SLC39A11: variants seen among roughly 807,000 people sequenced by gnomAD.
SLC39A11 encodes the protein solute carrier family 39 member 11.
Under a neutral mutation model 36.1 loss-of-function variants are expected in SLC39A11, and 33 were observed. The observed-to-expected ratio is 0.91, with a 90% CI of 0.69 to 1.22. The LOEUF (loss-of-function observed/expected upper bound fraction) is 1.22, where lower values mean the gene tolerates loss of function less well. Ranked by LOEUF, SLC39A11 falls within the 50% of genes most tolerant of loss-of-function variation. SLC39A11 has a pLI of 0.00. For synonymous variants in SLC39A11, 166 were observed against 170.3 expected (o/e 0.97, Z 0.20); for missense variants, 432 against 430.3 (o/e 1.00, Z -0.03).
chr17:72,939,510 A>C (rs541328099), intron 5 of SLC39A11, among the ~76,000 whole-genome samples: 1 of 151,938 alleles, frequency 6.6e-6, no homozygotes, highest in Non-Finnish European at 1.5e-5. Context: ...TTGCAGATGT[A>C]ATTAGTTAAG....
intron 5 of SLC39A11, among the ~76,000 whole-genome samples, chr17:72,881,035 G>A (rs1371459578): frequency 1.4e-5 from 1 of 70,660 alleles, no homozygotes; most frequent in Non-Finnish European, 2.5e-5. Context: ...ATATGGAGGA[G>A]ATGGAACTCT....
At chr17:72,768,371 G>T (rs1598640739) in intron 6 of SLC39A11, among the ~76,000 whole-genome samples, 1 of 152,212 alleles carries the variant, frequency 6.6e-6, no homozygotes, top group African/African-American at 2.4e-5. Flanking sequence ...TAAGGAAAAG[G>T]CAAGATAGTG....
intron 4 of SLC39A11, among the ~76,000 whole-genome samples, chr17:73,027,370 C>T (rs1216955323): frequency 2.0e-5 from 3 of 152,186 alleles, no homozygotes; most frequent in Non-Finnish European, 2.9e-5. Flanking sequence ...CTTCCTTGTC[C>T]ACCCCCTTTT....
intron 5 of SLC39A11, among the ~76,000 whole-genome samples, chr17:72,869,641 G>A (rs1411062670): frequency 2.6e-5 from 4 of 152,004 alleles, no homozygotes; most frequent in East Asian, 1.9e-4. Context: ...CGGCCTCCTC[G>A]GCCTCCCAAA....
At chr17:72,746,404 G>C (rs2074937166) in intron 6 of SLC39A11, among the ~76,000 whole-genome samples, 1 of 151,706 alleles carries the variant, frequency 6.6e-6, no homozygotes, top group South Asian at 2.1e-4. Context: ...AGATCTCTTG[G>C]GCCCAGTTCA....
intron 4 of SLC39A11, among the ~76,000 whole-genome samples, chr17:73,027,963 G>A (rs1196038406): frequency 6.6e-6 from 1 of 152,200 alleles, no homozygotes; most frequent in Admixed American, 6.5e-5. Flanking sequence ...GTCCCCAGGG[G>A]ATAGAAAGGA....
intron 3 of SLC39A11, among the ~76,000 whole-genome samples, chr17:73,034,351 T>G (rs954295314): frequency 2.0e-5 from 3 of 152,342 alleles, no homozygotes; most frequent in Admixed American, 2.0e-4. Flanking sequence ...GCCTCCCAAG[T>G]AGCTGGGATT....
intron 3 of SLC39A11, among the ~76,000 whole-genome samples, chr17:73,034,412 G>C (rs551512064): frequency 6.6e-6 from 1 of 152,312 alleles, no homozygotes; most frequent in Non-Finnish European, 1.5e-5. Flanking sequence ...AGTAGAGACA[G>C]GGTTTTGCCG....
chr17:72,934,557 T>C (rs2147485841), intron 5 of SLC39A11, among the ~76,000 whole-genome samples: 1 of 152,194 alleles, frequency 6.6e-6, no homozygotes, highest in East Asian at 1.9e-4. Flanking sequence ...TCCCAGCTAC[T>C]CGGGTGGCTG....
At chr17:72,782,014 T>G (rs1352557588) in intron 6 of SLC39A11, among the ~76,000 whole-genome samples, 2 of 152,144 alleles carry the variant, frequency 1.3e-5, no homozygotes, top group East Asian at 3.8e-4. Context: ...CCCAATCCCC[T>G]GTACCTGTGA....
chr17:72,710,174 G>A (rs1304823066), intron 7 of SLC39A11, among the ~76,000 whole-genome samples: 2 of 152,136 alleles, frequency 1.3e-5, no homozygotes, highest in African/African-American at 2.4e-5. Context: ...TACAATGCCA[G>A]TGCTGTTCTT....
chr17:73,091,805 C>T (rs777204758), intron 1 of SLC39A11: 1 of 152,240 alleles, frequency 6.6e-6, no homozygotes, highest in Non-Finnish European at 1.5e-5. Flanking sequence ...ATGCCAACAG[C>T]CTGTAGACTT....
At chr17:72,947,057 A>G (rs2085475403) in intron 5 of SLC39A11, among the ~76,000 whole-genome samples, 1 of 152,248 alleles carries the variant, frequency 6.6e-6, no homozygotes, top group Non-Finnish European at 1.5e-5. Flanking sequence ...GCAGTGGCTC[A>G]TGCCTGTAAT....
intron 2 of SLC39A11, among the ~76,000 whole-genome samples, chr17:73,087,363 C>T (rs1179496502): frequency 6.6e-6 from 1 of 152,186 alleles, no homozygotes; most frequent in Non-Finnish European, 1.5e-5. Flanking sequence ...GAGTGCCTGA[C>T]TTGTGAACTT....
chr17:72,999,929 T>C (rs946398158), intron 4 of SLC39A11, among the ~76,000 whole-genome samples: 10 of 152,058 alleles, frequency 6.6e-5, no homozygotes, highest in African/African-American at 2.2e-4. Flanking sequence ...TTAGTAGAGA[T>C]GGGGGTTTCG....
intron 7 of SLC39A11, among the ~76,000 whole-genome samples, chr17:72,714,016 G>A (rs184979460): frequency 1.3e-5 from 2 of 152,306 alleles, no homozygotes; most frequent in African/African-American, 4.8e-5. Context: ...CACAAAGGCC[G>A]TGCATAGATA....
intron 3 of SLC39A11, among the ~76,000 whole-genome samples, chr17:73,032,917 G>T (rs1339043503): frequency 6.6e-6 from 1 of 152,170 alleles, no homozygotes; most frequent in Non-Finnish European, 1.5e-5. Context: ...AAAGAAATTG[G>T]ATCTTGAAAT....
At chr17:72,979,013 C>T (rs1376380107) in intron 4 of SLC39A11, among the ~76,000 whole-genome samples, 5 of 152,130 alleles carry the variant, frequency 3.3e-5, no homozygotes, top group Non-Finnish European at 5.9e-5. Flanking sequence ...TTTGTGTCTC[C>T]ACCCAAATCT....
At chr17:72,724,454 G>C (rs957244884) in intron 7 of SLC39A11, among the ~76,000 whole-genome samples, 2 of 152,146 alleles carry the variant, frequency 1.3e-5, no homozygotes, top group African/African-American at 4.8e-5. Flanking sequence ...AGCGGTGGGG[G>C]GGAGTGAGCT....
Sources: allele counts gnomAD v4.1 joint callset (sites outside exome capture counted in the v4.1 genomes callset), GRCh38; gene constraint gnomAD v4.1.1; transcripts MANE v1.5; gene names NCBI Gene and HGNC (gene_info 2026-07-23, HGNC 2026-07-21).